PTPRM: variants seen among roughly 807,000 people sequenced by gnomAD.
PTPRM encodes the protein receptor-type tyrosine-protein phosphatase mu.
In PTPRM, 47 loss-of-function variants were observed where a neutral mutation model predicts 186.7. The observed-to-expected ratio is 0.25, with a 90% CI of 0.20 to 0.32. The LOEUF (loss-of-function observed/expected upper bound fraction) is 0.32, where lower values mean the gene tolerates loss of function less well. PTPRM is among the 10% of genes least tolerant of loss of function. PTPRM has a pLI of 1.00. For synonymous variants in PTPRM, 668 were observed against 674.9 expected, an observed-to-expected ratio of 0.99 and a Z score of 0.16; for missense variants, 1,494 against 1,865.0, an observed-to-expected ratio of 0.80 and a Z score of 3.66.
At chr18:8,211,786 C>G (rs12967487) in intron 14 of PTPRM, among the ~76,000 whole-genome samples, 40,761 of 151,896 alleles carry the variant, frequency 0.27, 5,648 homozygotes, top group Middle Eastern at 0.5. Flanking sequence ...AGTGGGAGAT[C>G]TGAAGACAGA....
intron 2 of PTPRM, among the ~76,000 whole-genome samples, chr18:7,847,417 T>A (rs2046651735): frequency 6.6e-6 from 1 of 152,120 alleles, no homozygotes; most frequent in African/African-American, 2.4e-5. Flanking sequence ...TCCACCCGCC[T>A]CAGCCTCCTA....
At position 8,016,420 on chromosome 18, in the gene PTPRM, C is replaced by G. The variant is rs942613652; in HGVS notation, c.1133-53266C>G. Among the ~76,000 whole-genome samples, 5 of 150,968 alleles carry G rather than the reference C, an allele frequency of 3.3e-5. No individual in the cohort carries two copies. In the East Asian group the frequency reaches 9.8e-4, roughly 30 times the overall value. On this transcript the variant is annotated intron_variant, in intron 7 of 32. Coordinates refer to ENST00000580170, the MANE Select transcript of PTPRM (RefSeq NM_001105244.2). ...CTGTAATCCCAGCTACTCGGGAGACCGAGGCATGAGAGTCACTTGAACCTC... is the reference window on the plus strand; with the variant it reads ...CTGTAATCCCAGCTACTCGGGAGACGGAGGCATGAGAGTCACTTGAACCTC...
intron 14 of PTPRM, among the ~76,000 whole-genome samples, chr18:8,221,921 A>C (rs932420262): frequency 7.9e-5 from 12 of 152,208 alleles, no homozygotes; most frequent in Admixed American, 5.9e-4. Flanking sequence ...CAAGGCAAAT[A>C]CCACACTGTA....
intron 22 of PTPRM, among the ~76,000 whole-genome samples, chr18:8,340,842 A>G (rs933474099): frequency 6.6e-6 from 1 of 152,222 alleles, no homozygotes; most frequent in Non-Finnish European, 1.5e-5. Context: ...CAGTTCAGTC[A>G]GAGTCTCTTG....
chr18:8,279,633 C>A (rs1337873238), intron 19 of PTPRM, among the ~76,000 whole-genome samples: 1 of 152,192 alleles, frequency 6.6e-6, no homozygotes, highest in Non-Finnish European at 1.5e-5. Flanking sequence ...TCCCTGCTCA[C>A]ATGAAACGTG....
chr18:8,035,386 C>T (rs1163235160), intron 7 of PTPRM, among the ~76,000 whole-genome samples: 1 of 152,058 alleles, frequency 6.6e-6, no homozygotes, highest in Non-Finnish European at 1.5e-5. Flanking sequence ...TCCAAGACTG[C>T]CCCCCTCCTC....
At chr18:7,715,307 C>G (rs1409621881) in intron 1 of PTPRM, among the ~76,000 whole-genome samples, 1 of 152,132 alleles carries the variant, frequency 6.6e-6, no homozygotes, top group African/African-American at 2.4e-5. Context: ...AATTCAACAC[C>G]TCTTCATGCT....
intron 2 of PTPRM, among the ~76,000 whole-genome samples, chr18:7,809,930 G>T (rs1171766208): frequency 6.6e-6 from 1 of 152,202 alleles, no homozygotes; most frequent in Non-Finnish European, 1.5e-5. Context: ...CTCTAGGTGT[G>T]TTCCTGTTTC....
chr18:8,129,498 A>G (rs899966099), intron 13 of PTPRM, among the ~76,000 whole-genome samples: 1 of 150,592 alleles, frequency 6.6e-6, no homozygotes. Context: ...AGGAATCAAT[A>G]TTCAGTCTAA....
intron 2 of PTPRM, among the ~76,000 whole-genome samples, chr18:7,856,004 A>C (rs2047076301): frequency 6.6e-6 from 1 of 152,190 alleles, no homozygotes; most frequent in South Asian, 2.1e-4. Flanking sequence ...GGGTATGATA[A>C]CACTTGCTCA....
intron 11 of PTPRM, among the ~76,000 whole-genome samples, chr18:8,112,981 C>T (rs2091822810): frequency 6.6e-6 from 1 of 152,144 alleles, no homozygotes; most frequent in African/African-American, 2.4e-5. Flanking sequence ...CATAAGAAAA[C>T]ATAGGAAGAT....
intron 5 of PTPRM, among the ~76,000 whole-genome samples, chr18:7,929,288 T>C (rs2146831282): frequency 6.6e-6 from 1 of 152,302 alleles, no homozygotes; most frequent in Admixed American, 6.5e-5. Context: ...TTCCATGTAC[T>C]GATCTTTGAA....
At chr18:7,812,033 C>G (rs2044547745) in intron 2 of PTPRM, among the ~76,000 whole-genome samples, 1 of 152,138 alleles carries the variant, frequency 6.6e-6, no homozygotes, top group Non-Finnish European at 1.5e-5. Flanking sequence ...CATCAAGGCT[C>G]TTGTGCACTG....
chr18:7,841,639 G>A (rs1041101924), intron 2 of PTPRM, among the ~76,000 whole-genome samples: 1 of 152,130 alleles, frequency 6.6e-6, no homozygotes, highest in African/African-American at 2.4e-5. Context: ...TGATTATTCA[G>A]AGAGTATGTA....
chr18:7,905,030 G>A (rs1368937151), intron 3 of PTPRM, among the ~76,000 whole-genome samples: 2 of 150,486 alleles, frequency 1.3e-5, no homozygotes, highest in East Asian at 3.9e-4. Flanking sequence ...TTTTGCTCTT[G>A]TTGCCCAGGC....
chr18:8,244,280 A>C, intron 15 of PTPRM, 71 bp downstream of exon 15: 1 of 1,039,638 alleles, frequency 9.6e-7, no homozygotes, highest in Non-Finnish European at 1.3e-6. Flanking sequence ...GTACTAGGGG[A>C]TTTCAAAAAA....
chr18:8,324,043 CAT>C (rs2095361398), intron 22 of PTPRM, among the ~76,000 whole-genome samples: 1 of 152,048 alleles, frequency 6.6e-6, no homozygotes, highest in Non-Finnish European at 1.5e-5. Context: ...AGACAGAAAC[CAT>C]AGACTTAATT....
chr18:7,942,651 C>T (rs1338138650), intron 5 of PTPRM, among the ~76,000 whole-genome samples: 5 of 117,910 alleles, frequency 4.2e-5, no homozygotes, highest in African/African-American at 6.3e-5. Context: ...GGTGGGGGGG[C>T]GGGGAGGGAA....
intron 7 of PTPRM, among the ~76,000 whole-genome samples, chr18:8,027,996 GTTTC>G (rs2085682239): frequency 1.3e-5 from 2 of 151,752 alleles, no homozygotes; most frequent in East Asian, 1.9e-4. Context: ...GCCGTTCATT[GTTTC>G]TTTCTTTTTT....
Sources: allele counts gnomAD v4.1 joint callset (sites outside exome capture counted in the v4.1 genomes callset), GRCh38; gene constraint gnomAD v4.1.1; transcripts MANE v1.5; gene names NCBI Gene and HGNC (gene_info 2026-07-23, HGNC 2026-07-21).